The following ADSL variants were observed in gnomAD, a reference collection of about 807,000 sequenced individuals.
ADSL encodes the protein adenylosuccinase.
A neutral mutation model predicts 62.1 loss-of-function variants in ADSL; 44 were observed. That is an observed-to-expected ratio of 0.71 (90% CI 0.56 to 0.91). The LOEUF (loss-of-function observed/expected upper bound fraction) is 0.91. Ranked by LOEUF, ADSL falls within the 40% of genes least tolerant of loss-of-function variation. ADSL has a pLI of 0.00. For synonymous variants in ADSL, 198 were observed against 220.5 expected (o/e 0.90, Z 0.90); for missense variants, 531 against 627.4 (o/e 0.85, Z 1.64).
chr22:40,364,442 G>A, intron 11 of ADSL, 77 bp downstream of exon 11: 1 of 1,271,284 alleles, frequency 7.9e-7, no homozygotes, highest in South Asian at 1.2e-5. Context: ...AAGGAGAGCA[G>A]ATGAAGGTGT....
intron 2 of ADSL, among the ~76,000 whole-genome samples, chr22:40,374,399 T>C (rs955190697): frequency 1.3e-5 from 2 of 152,242 alleles, no homozygotes; most frequent in Admixed American, 1.3e-4. Flanking sequence ...AGGGAAAAGC[T>C]GTATCCACTG....
intron 2 of ADSL, among the ~76,000 whole-genome samples, chr22:40,378,466 T>C (rs932854785): frequency 1.3e-5 from 2 of 151,914 alleles, no homozygotes; most frequent in African/African-American, 4.8e-5. Flanking sequence ...CGGTGGCTGA[T>C]GCCTGTCATC....
At chr22:40,386,578 T>TTA (rs1333800639) in intron 2 of ADSL, among the ~76,000 whole-genome samples, 2 of 148,220 alleles carry the variant, frequency 1.3e-5, no homozygotes, top group Non-Finnish European at 3.0e-5. Flanking sequence ...TTTTTTTTTT[T>TTA]TTTTTTTTTT....
At position 40,360,435 on chromosome 22, in the gene ADSL, A is replaced by T. The variant is rs143977255; in HGVS notation, c.735A>T (p.Arg245=). Residue 245 remains arginine, a synonymous_variant, in exon 7 of 13, where the codon CGA becomes CGT. Transcript: ENST00000623063. The part of the protein sequence containing the change: ...AFIITGQTYT[R]KVDIEVLSVL... ...TCATCACAGGGCAGACATATACACGAAAAGTGGATATTGAAGTACTGTCTG... is the reference window on the plus strand; with the variant it reads ...TCATCACAGGGCAGACATATACACGTAAAGTGGATATTGAAGTACTGTCTG... The T allele has an allele frequency of 1.6e-4, 253 of 1,613,848 alleles. 1 individual carries two copies. The highest frequency in any genetic ancestry group is 5.3e-4 in the Admixed American group (32 of 59,998).
rs764835447 is a variant in ADSL, at chr22:40,353,131, A to G, written c.402+14A>G. The G allele has an allele frequency of 6.2e-7, 1 of 1,610,702 alleles. No individual in the cohort carries two copies. Among genetic ancestry groups the G allele is most frequent in the Non-Finnish European group, 8.5e-7 (1 of 1,176,906 alleles). Reference sequence around the variant, plus strand: ...CTTTTGCCAAAGGTAAGGAGTTGGCAGATGTTTCCTACCAACCCTAGATTC... The same window carrying G: ...CTTTTGCCAAAGGTAAGGAGTTGGCGGATGTTTCCTACCAACCCTAGATTC... On this transcript the variant is annotated intron_variant, in intron 3 of 12. Transcript: ENST00000623063.
chr22:40,348,696 A>C, intron 1 of ADSL: 1 of 398,194 alleles, frequency 2.5e-6, no homozygotes. Context: ...ATTTTCCAAT[A>C]CTTTTTAATT....
chr22:40,360,490 A>G lies in ADSL; in HGVS notation c.790A>G (p.Lys264Glu). The G allele has an allele frequency of 6.2e-7, 1 of 1,613,672 alleles. No individual in the cohort carries two copies. The highest frequency in any genetic ancestry group is 8.5e-7 in the Non-Finnish European group (1 of 1,179,556). The change falls in exon 7 of 13, where the codon AAG becomes GAG. Residue 264 changes from lysine (K) to glutamate (E), a missense_variant and splice_region_variant. Lys to Glu is a moderately conservative substitution (Grantham distance 56). Coordinates refer to ENST00000623063, the MANE Select transcript of ADSL (RefSeq NM_000026.4). Reference sequence around the variant, plus strand: ...GGCTAGCTTGGGGGCATCAGTGCACAAGGTGAGTGGTGGCAGCATGTGGGG... The same window carrying G: ...GGCTAGCTTGGGGGCATCAGTGCACGAGGTGAGTGGTGGCAGCATGTGGGG... The part of the protein sequence containing the change: ...VLASLGASVH[K>E]ICTDIRLLAN...
intron 6 of ADSL, among the ~76,000 whole-genome samples, chr22:40,359,643 T>C (rs1326924804): frequency 6.6e-6 from 1 of 152,042 alleles, no homozygotes; most frequent in Admixed American, 6.6e-5. Context: ...TTTCAAGCAG[T>C]CCTTCCACCT....
intron 2 of ADSL, 74 bp from the exon 3 acceptor site, chr22:40,352,999 G>A: frequency 1.5e-6 from 2 of 1,367,420 alleles, no homozygotes; most frequent in Admixed American, 3.4e-5. Context: ...AGCCTTTCTG[G>A]CCAAAAAGTG....
At chr22:40,364,203 T>G (rs2044906861) in intron 10 of ADSL, 73 bp from the exon 11 acceptor site, 10 of 1,236,838 alleles carry the variant, frequency 8.1e-6, no homozygotes, top group South Asian at 1.3e-5. Context: ...GCATTTTGTT[T>G]GACATCCTGC....
Position 40,366,603 on chromosome 22 carries a change from C to T in ADSL, c.*81C>T, listed in dbSNP as rs538765036. 42 of 1,025,234 alleles carry T rather than the reference C, an allele frequency of 4.1e-5. No individual in the cohort carries two copies. The highest frequency in any genetic ancestry group is 5.8e-5 in the Non-Finnish European group (38 of 654,684). The allele number at this position is 1,025,234 out of a possible 1,614,324, so 63.5% of individuals were successfully genotyped here. A position where few individuals can be genotyped will look rare whatever the true frequency, so the allele number is the denominator to read the frequency against. ...GTTACTATAATGCCTTATTTTACCTCGAGAATTGTTACCTTAAATTAGTAC... is the reference window on the plus strand; with the variant it reads ...GTTACTATAATGCCTTATTTTACCTTGAGAATTGTTACCTTAAATTAGTAC... On this transcript the variant is annotated 3_prime_UTR_variant, in exon 13 of 13. Coordinates refer to ENST00000623063, the MANE Select transcript of ADSL (RefSeq NM_000026.4).
chr22:40,380,071 G>A (rs1252569800), intron 2 of ADSL, among the ~76,000 whole-genome samples: 2 of 152,112 alleles, frequency 1.3e-5, no homozygotes, highest in Non-Finnish European at 2.9e-5. Context: ...TCTGGTCAAT[G>A]AAATTATAAT....
At chr22:40,359,115 A>C (rs1376045486) in intron 5 of ADSL, 80 bp downstream of exon 5, 7 of 1,598,834 alleles carry the variant, frequency 4.4e-6, no homozygotes, top group Non-Finnish European at 5.1e-6. Context: ...GGATGATAGG[A>C]GAGATTGACT....
Position 40,361,520 on chromosome 22 carries a change from A to G in ADSL, c.895A>G (p.Met299Val), listed in dbSNP as rs34396910. ...TGCGATGCCATATAAGCGGAATCCC[A>G]TGCGTTCAGAACGTTGCTGCAGTCT... ...SSAMPYKRNP[M>V]RSERCCSLAR... is the part of the protein sequence containing the mutation. Residue 299 changes from methionine (M) to valine (V), a missense_variant, in exon 9 of 13, where the codon ATG (methionine) becomes GTG (valine). This residue lies in a region of ADSL where 471 missense variants were observed against 592.9 expected (regional missense o/e 0.79). Coordinates refer to ENST00000623063, the MANE Select transcript of ADSL (RefSeq NM_000026.4). 1.5e-4 allele frequency: 243 copies of G among 1,614,222 alleles called. No homozygotes were observed. In the African/African-American group the frequency reaches 2.9e-3, roughly 19 times the overall value.
At chr22:40,380,420 G>A (rs2047378752) in intron 2 of ADSL, among the ~76,000 whole-genome samples, 1 of 147,632 alleles carries the variant, frequency 6.8e-6, no homozygotes. Context: ...AGGCTGGAGT[G>A]CAGTGGCACT....
intron 10 of ADSL, among the ~76,000 whole-genome samples, chr22:40,363,931 T>G (rs1054938996): frequency 1.3e-5 from 2 of 150,574 alleles, no homozygotes; most frequent in East Asian, 2.0e-4. Context: ...ACAAAAATTA[T>G]CTGGACGTGG....
At chr22:40,381,451 A>G (rs949855126) in intron 2 of ADSL, among the ~76,000 whole-genome samples, 2 of 152,190 alleles carry the variant, frequency 1.3e-5, no homozygotes, top group Non-Finnish European at 2.9e-5. Context: ...GCCCGGCTAC[A>G]AGGCATTTTA....
At chr22:40,350,124 A>T in intron 2 of ADSL, 89 bp downstream of exon 2, 1 of 1,278,498 alleles carries the variant, frequency 7.8e-7, no homozygotes, top group Admixed American at 2.1e-5. Flanking sequence ...AGGAAGTGAC[A>T]CTATAGATCT....
chr22:40,384,714 G>A (rs2048153791), intron 2 of ADSL, among the ~76,000 whole-genome samples: 1 of 152,174 alleles, frequency 6.6e-6, no homozygotes, highest in African/African-American at 2.4e-5. Flanking sequence ...CTGGGAGGCG[G>A]AGTTTGCAGT....
Sources: allele counts gnomAD v4.1 joint callset (sites outside exome capture counted in the v4.1 genomes callset), GRCh38; gene constraint gnomAD v4.1.1; regional missense constraint gnomAD v4.1.1; transcripts MANE v1.5; gene names NCBI Gene and HGNC (gene_info 2026-07-23, HGNC 2026-07-21).